ZBTB7C: variants seen among roughly 807,000 people sequenced by gnomAD.
The protein encoded by ZBTB7C is zinc finger and BTB domain containing 7C, also known as zinc finger and BTB domain-containing protein 7C.
A neutral mutation model predicts 25.7 loss-of-function variants in ZBTB7C; 8 were observed. The observed-to-expected ratio is 0.31, with a 90% confidence interval of 0.18 to 0.56. The LOEUF is 0.56. Ranked by LOEUF, ZBTB7C falls within the 20% of genes least tolerant of loss-of-function variation. ZBTB7C has a pLI of 0.91. For synonymous variants in ZBTB7C, 394 were observed against 369.0 expected, an observed-to-expected ratio of 1.07 and a Z score of -0.78; for missense variants, 824 against 855.2, an observed-to-expected ratio of 0.96 and a Z score of 0.46.
At chr18:48,195,170 AC>A (rs2042288880) in intron 2 of ZBTB7C, among the ~76,000 whole-genome samples, 1 of 152,134 alleles carries the variant, frequency 6.6e-6, no homozygotes, top group Non-Finnish European at 1.5e-5. Flanking sequence ...CATTCACCAA[AC>A]TTTTGATGTA....
At chr18:48,145,222 A>G (rs2040463766) in intron 3 of ZBTB7C, among the ~76,000 whole-genome samples, 1 of 152,238 alleles carries the variant, frequency 6.6e-6, no homozygotes, top group Non-Finnish European at 1.5e-5. Context: ...TCTTGTTGGC[A>G]TAATTTACTG....
intron 4 of ZBTB7C, among the ~76,000 whole-genome samples, chr18:48,039,423 G>T (rs1303924056): frequency 6.6e-6 from 1 of 152,194 alleles, no homozygotes; most frequent in Non-Finnish European, 1.5e-5. Flanking sequence ...TCTTCCCAGG[G>T]CCTAGCTGTG....
At chr18:48,385,166 G>A (rs940929048) in intron 1 of ZBTB7C, among the ~76,000 whole-genome samples, 12 of 152,186 alleles carry the variant, frequency 7.9e-5, no homozygotes, top group African/African-American at 1.7e-4. Context: ...GGGTTACCGC[G>A]ATGGCCTTGG....
chr18:48,235,969 A>C (rs1162268513), intron 2 of ZBTB7C, among the ~76,000 whole-genome samples: 1 of 152,174 alleles, frequency 6.6e-6, no homozygotes, highest in East Asian at 1.9e-4. Flanking sequence ...TAAATTTTTA[A>C]TCAATTCTGA....
chr18:48,063,100 T>C (rs565711821), intron 3 of ZBTB7C, among the ~76,000 whole-genome samples: 1 of 152,330 alleles, frequency 6.6e-6, no homozygotes, highest in South Asian at 2.1e-4. Flanking sequence ...AGCCAAAAGG[T>C]GAGACCAACA....
chr18:48,052,429 AGGTGCTCCACAGCT>A (rs796158704), intron 3 of ZBTB7C, among the ~76,000 whole-genome samples: 4 of 152,356 alleles, frequency 2.6e-5, no homozygotes, highest in African/African-American at 9.6e-5. Flanking sequence ...GAAGGCATTA[AGGTGCTCCACAGCT>A]GGCTAGCCTC....
At chr18:48,277,080 G>A (rs1221512288) in intron 2 of ZBTB7C, among the ~76,000 whole-genome samples, 2 of 150,408 alleles carry the variant, frequency 1.3e-5, no homozygotes, top group Non-Finnish European at 1.5e-5. Context: ...CAGGACATAG[G>A]CATGGGCAAG....
intron 3 of ZBTB7C, among the ~76,000 whole-genome samples, chr18:48,067,597 T>C (rs1410103950): frequency 6.6e-6 from 1 of 152,202 alleles, no homozygotes. Flanking sequence ...GAGGTAACTC[T>C]GTCCCCAGAG....
intron 2 of ZBTB7C, among the ~76,000 whole-genome samples, chr18:48,192,242 T>C (rs753948648): frequency 6.6e-6 from 1 of 152,144 alleles, no homozygotes; most frequent in Non-Finnish European, 1.5e-5. Context: ...TCCAACTATA[T>C]GACATTCTGG....
chr18:48,410,426 G>T (rs936157293), upstream of ZBTB7C, among the ~76,000 whole-genome samples: 1 of 152,168 alleles, frequency 6.6e-6, no homozygotes, highest in Non-Finnish European at 1.5e-5. Flanking sequence ...CAATGCCAAC[G>T]GGCGGGCCCG....
intron 2 of ZBTB7C, among the ~76,000 whole-genome samples, chr18:48,210,647 T>C (rs933797258): frequency 6.6e-6 from 1 of 151,636 alleles, no homozygotes; most frequent in Non-Finnish European, 1.5e-5. Context: ...TAAGTGGTTG[T>C]CATGGAGTGA....
intron 3 of ZBTB7C, among the ~76,000 whole-genome samples, chr18:48,062,815 G>A (rs2037174129): frequency 6.6e-6 from 1 of 152,226 alleles, no homozygotes; most frequent in African/African-American, 2.4e-5. Context: ...TGAGGATGCT[G>A]AGGCACAGAG....
chr18:48,146,035 A>T (rs922178557), intron 3 of ZBTB7C, among the ~76,000 whole-genome samples: 1 of 152,040 alleles, frequency 6.6e-6, no homozygotes, highest in African/African-American at 2.4e-5. Flanking sequence ...TTTGTATTTA[A>T]TTTTTTCCTA....
At chr18:48,131,018 C>T (rs1002764257) in intron 3 of ZBTB7C, among the ~76,000 whole-genome samples, 13 of 152,196 alleles carry the variant, frequency 8.5e-5, no homozygotes, top group African/African-American at 3.1e-4. Flanking sequence ...ATTCTCCTGC[C>T]TCCGCCTCCC....
At chr18:48,156,897 C>T (rs1320312104) in intron 3 of ZBTB7C, among the ~76,000 whole-genome samples, 1 of 151,946 alleles carries the variant, frequency 6.6e-6, no homozygotes, top group East Asian at 1.9e-4. Context: ...GGAGAGTGGA[C>T]CCCATTAGGG....
intron 2 of ZBTB7C, among the ~76,000 whole-genome samples, chr18:48,263,486 A>G (rs1333039991): frequency 6.6e-6 from 1 of 152,242 alleles, no homozygotes; most frequent in African/African-American, 2.4e-5. Flanking sequence ...TCTTTTTCTC[A>G]AAGGAATAGA....
At chr18:48,302,980 G>A (rs559306742) in intron 2 of ZBTB7C, among the ~76,000 whole-genome samples, 1 of 152,056 alleles carries the variant, frequency 6.6e-6, no homozygotes, top group South Asian at 2.1e-4. Context: ...CAAGACAGGG[G>A]AGGATGGAAG....
At chr18:48,053,850 A>C (rs1324845699) in intron 3 of ZBTB7C, among the ~76,000 whole-genome samples, 1 of 152,220 alleles carries the variant, frequency 6.6e-6, no homozygotes, top group Non-Finnish European at 1.5e-5. Flanking sequence ...GCCTGGGGTC[A>C]GAGGACGGGG....
intron 2 of ZBTB7C, among the ~76,000 whole-genome samples, chr18:48,188,169 T>G (rs964956618): frequency 3.3e-5 from 5 of 152,176 alleles, no homozygotes; most frequent in African/African-American, 1.2e-4. Flanking sequence ...AAGGACATAA[T>G]GGACAGTGTG....
Sources: allele counts gnomAD v4.1 joint callset (sites outside exome capture counted in the v4.1 genomes callset), GRCh38; gene constraint gnomAD v4.1.1; transcripts MANE v1.5; gene names NCBI Gene and HGNC (gene_info 2026-07-23, HGNC 2026-07-21).